Variants in PNPO observed in about 807,000 individuals in gnomAD.
PNPO encodes the protein pyridoxine-5'-phosphate oxidase.
PNPO carries 39 observed loss-of-function variants against 35.0 expected under a neutral mutation model. The observed-to-expected ratio is 1.11, with a 90% CI of 0.86 to 1.45. PNPO has a LOEUF of 1.45. Ranked by LOEUF, PNPO falls within the 40% of genes most tolerant of loss-of-function variation. The pLI is 0.00. For missense variants in PNPO, 288 were observed against 340.0 expected (o/e 0.85, Z 1.20); for synonymous variants, 115 against 119.8 (o/e 0.96, Z 0.26).
chr17:47,941,661 G>A lies in PNPO; in HGVS notation c.-15G>A. On this transcript the variant is annotated 5_prime_UTR_variant, in exon 1 of 7. Coordinates refer to ENST00000642017, the MANE Select transcript of PNPO (RefSeq NM_018129.4). ...GTGCCGGGCCACAGCCGGGTCACGT[G>A]GCCGGCGGCCCCCCATGACGTGCTG... The A allele has an allele frequency of 2.0e-6, 3 of 1,524,034 alleles. No homozygotes were observed. The highest frequency in any genetic ancestry group is 2.7e-6 in the Non-Finnish European group (3 of 1,128,472). 94.4% of individuals were successfully genotyped at this position (1,524,034 alleles called of 1,614,324 possible).
chr17:47,946,466 G>GA (rs1451548294), intron 6 of PNPO, 73 bp downstream of exon 6: 1 of 1,395,808 alleles, frequency 7.2e-7, no homozygotes, highest in Non-Finnish European at 1.0e-6. Flanking sequence ...CCTGCCTGGG[G>GA]AATCACAGAT....
intron 2 of PNPO, 88 bp from the exon 3 acceptor site, chr17:47,944,528 G>C (rs1241183903): frequency 3.0e-6 from 3 of 994,790 alleles, no homozygotes; most frequent in Non-Finnish European, 4.8e-6. Flanking sequence ...GCAGCTGGAG[G>C]GGGTGCTGAG....
rs2035939209 is a variant in PNPO, at chr17:47,941,785, T to C, written c.110T>C (p.Met37Thr). 3 of 1,569,986 alleles carry C rather than the reference T, an allele frequency of 1.9e-6. No homozygotes were observed. The highest frequency in any genetic ancestry group is 2.4e-5 in the East Asian group (1 of 42,510). Residue 37 changes from methionine to threonine, a missense_variant, in exon 1 of 7, where the codon ATG becomes ACG. Coordinates refer to ENST00000642017, the MANE Select transcript of PNPO (RefSeq NM_018129.4). ...AGTGCTGCCATGGACCTGGGACCCA[T>C]GCGCAAGAGTTACCGCGGGGACCGA... is the stretch of plus-strand genomic sequence containing the variant. The part of the protein sequence containing the change: ...GRSAAMDLGP[M>T]RKSYRGDREA...
intron 1 of PNPO, among the ~76,000 whole-genome samples, chr17:47,942,919 C>T (rs1298079275): frequency 6.6e-6 from 1 of 152,132 alleles, no homozygotes; most frequent in Admixed American, 6.6e-5. Flanking sequence ...GAGTGAGACC[C>T]TGTCTAAAAT....
intron 6 of PNPO, 21 bp downstream of exon 6, chr17:47,946,414 C>T (rs769705142): frequency 5.1e-6 from 8 of 1,582,846 alleles, no homozygotes; most frequent in African/African-American, 1.3e-5. Context: ...TCTGGTAGTC[C>T]TCTAGAAAGG....
intron 5 of PNPO, 22 bp downstream of exon 5, chr17:47,946,011 T>C: frequency 6.2e-7 from 1 of 1,613,148 alleles, no homozygotes; most frequent in Non-Finnish European, 8.5e-7. Flanking sequence ...TCCGCTGTAG[T>C]CCTCCAGGTG....
At position 47,945,874 on chromosome 17, in the gene PNPO, G is replaced by C. The variant is rs762554901; in HGVS notation, c.431G>C (p.Gly144Ala). The C allele has an allele frequency of 8.7e-6, 14 of 1,613,638 alleles. No individual in the cohort carries two copies. Among genetic ancestry groups the C allele is most frequent in the Non-Finnish European group, 1.2e-5 (14 of 1,179,996 alleles). ...EPLNRQVRVE[G>A]PVKKLPEEEA... ...ATCCCTGAGCAGGTGCGTGTGGAAG[G>C]CCCTGTGAAGAAACTGCCTGAGGAG... The change falls in exon 5 of 7, where the codon GGC (glycine) becomes GCC (alanine). Residue 144 changes from glycine to alanine, a missense_variant. By Grantham distance (60) the Gly-to-Ala change is moderately conservative. Coordinates refer to ENST00000642017, the MANE Select transcript of PNPO (RefSeq NM_018129.4). This position sits in a 1 kb window ranked among gnomAD's most constrained non-coding sequence, Gnocchi z 4.0.
chr17:47,944,523 T>C, intron 2 of PNPO, 93 bp from the exon 3 acceptor site: 1 of 970,248 alleles, frequency 1.0e-6, no homozygotes, highest in Admixed American at 1.7e-5. Context: ...GGGGTGCAGC[T>C]GGAGGGGGTG....
chr17:47,948,819 C>T lies in PNPO; in HGVS notation c.*2037C>T, dbSNP rs1158405015. 2 of 152,276 alleles carry T rather than the reference C, an allele frequency of 1.3e-5. No homozygotes were observed. Among genetic ancestry groups the T allele is most frequent in the Admixed American group, 1.3e-4 (2 of 15,284 alleles). The allele number at this position is 152,276 out of a possible 1,614,324, so 9.4% of individuals were successfully genotyped here. A position where few individuals can be genotyped will look rare whatever the true frequency, so the allele number is the denominator to read the frequency against. ...AGGGACAGACTGGATGAGCAAGCAA[C>T]CTGCTGGCTATGGAGAAGAGCCAGG... is the stretch of plus-strand genomic sequence containing the variant. On this transcript the variant is annotated 3_prime_UTR_variant, in exon 7 of 7. Transcript: ENST00000642017.
chr17:47,943,258 A>G lies in PNPO; in HGVS notation c.139-48A>G, dbSNP rs374114000. On this transcript the variant is annotated intron_variant, in intron 1 of 6. Coordinates refer to ENST00000642017, the MANE Select transcript of PNPO (RefSeq NM_018129.4). ...GTGACTAGAACAGTGCCAGGTCCAT[A>G]GTAAGCACTATATATGTTTATTAAA... 6 of 1,505,104 alleles carry G rather than the reference A, an allele frequency of 4.0e-6. No individual in the cohort carries two copies. The African/African-American group carries it at 8.2e-5, about 21-fold the overall frequency. The allele number at this position is 1,505,104 out of a possible 1,614,324, so 93.2% of individuals were successfully genotyped here.
rs200428415 is a variant in PNPO, at chr17:47,945,983, T to C, written c.540T>C (p.Asp180=). The C allele has an allele frequency of 3.8e-5, 62 of 1,613,888 alleles. No individual in the cohort carries two copies. The East Asian group carries it at 1.3e-3, about 35-fold the overall frequency. The change falls in exon 5 of 7, where the codon GAT becomes GAC. Residue 180 remains aspartate (D), a synonymous_variant. Transcript: ENST00000642017. This position sits in a 1 kb window ranked among gnomAD's most constrained non-coding sequence, Gnocchi z 4.0. The part of the protein sequence containing the change: ...VVSHQSSVIP[D]REYLRKKNEE... ...GCCACCAGAGTTCTGTGATCCCTGA[T>C]CGGGAGGTGAGTGGAGCTCCGCTGT...
chr17:47,944,362 C>A (rs893852802), intron 2 of PNPO, among the ~76,000 whole-genome samples: 8 of 152,050 alleles, frequency 5.3e-5, no homozygotes, highest in African/African-American at 1.7e-4. Flanking sequence ...TCCCCTTCTC[C>A]AAATACAGTC....
In PNPO at chr17:47,944,805, C is replaced by G. The variant is rs947353382; in HGVS notation, c.363+90C>G. Reference sequence around the variant, plus strand: ...ACCTTCTTATGCCACCCCACCCCCCCAGTCTACTTGCTCTCTGTGTGCAGG... The same window carrying G: ...ACCTTCTTATGCCACCCCACCCCCCGAGTCTACTTGCTCTCTGTGTGCAGG... On this transcript the variant is annotated intron_variant, in intron 3 of 6. Coordinates refer to ENST00000642017, the MANE Select transcript of PNPO (RefSeq NM_018129.4). The G allele has an allele frequency of 2.3e-5, 23 of 995,650 alleles. No homozygotes were observed. In the South Asian group the frequency reaches 2.7e-4, roughly 12 times the overall value. 61.7% of individuals were successfully genotyped at this position (995,650 alleles called of 1,614,324 possible).
At position 47,945,929 on chromosome 17, in the gene PNPO, C is replaced by G. The variant is rs35974730; in HGVS notation, c.486C>G (p.Pro162=). Residue 162 remains proline, a synonymous_variant, in exon 5 of 7, where the codon CCC becomes CCG. Transcript: ENST00000642017. The surrounding 1 kb of genome is among the most constrained non-coding windows in gnomAD (Gnocchi z 4.0). The part of the protein sequence containing the change: ...EEAECYFHSR[P]KSSQIGAVVS... Reference sequence around the variant, plus strand: ...CTGAGTGCTACTTCCACTCCCGCCCCAAGAGCAGCCAGATTGGGGCTGTGG... The same window carrying G: ...CTGAGTGCTACTTCCACTCCCGCCCGAAGAGCAGCCAGATTGGGGCTGTGG... The G allele has an allele frequency of 4.0e-3, 6,420 of 1,614,008 alleles. 186 individuals carry two copies. The African/African-American group carries it at 0.064, about 16-fold the overall frequency.
chr17:47,946,245 G>A (rs1313487430), intron 5 of PNPO, 78 bp from the exon 6 acceptor site: 2 of 1,202,436 alleles, frequency 1.7e-6, no homozygotes, highest in African/African-American at 1.5e-5. Context: ...CATGTCCCCA[G>A]CACATATCCC....
In PNPO at chr17:47,948,546, G is replaced by C. The variant is rs2036037811; in HGVS notation, c.*1764G>C. ...CAAGGTTGAGACCTCCTAGTCTAGA[G>C]CTTTGCTATACACAGGGTGGTCCAC... On this transcript the variant is annotated 3_prime_UTR_variant, in exon 7 of 7. Transcript: ENST00000642017. 6.6e-6 allele frequency: 1 copy of C among 152,192 alleles called. No homozygotes were observed. Among genetic ancestry groups the C allele is most frequent in the Admixed American group, 6.5e-5 (1 of 15,272 alleles). The allele number at this position is 152,192 out of a possible 1,614,324, so 9.4% of individuals were successfully genotyped here. A position where few individuals can be genotyped will look rare whatever the true frequency, so the allele number is the denominator to read the frequency against.
rs2036004168 is a variant in PNPO at position 47,946,038 on chromosome 17, AT to A, written c.546+50del. On this transcript the variant is annotated intron_variant, in intron 5 of 6. Coordinates refer to ENST00000642017, the MANE Select transcript of PNPO (RefSeq NM_018129.4). The stretch of plus-strand genomic sequence containing the variant: ...CTCCAGGTGGTGGAGGCTTTGGCTT[AT>A]CCCCAGAAGCTGTCCCCAGGAGATG... 1.9e-6 allele frequency: 3 copies of A among 1,609,374 alleles called. No individual in the cohort carries two copies. In the Admixed American group the frequency reaches 5.0e-5, roughly 27 times the overall value.
At chr17:47,946,180 C>A in intron 5 of PNPO, 143 bp from the exon 6 acceptor site, 1 of 989,238 alleles carries the variant, frequency 1.0e-6, no homozygotes, top group Non-Finnish European at 1.6e-6. Flanking sequence ...CTCTGTCCAT[C>A]TGGCCATCCT....
chr17:47,941,885 A>C (rs2035941729), intron 1 of PNPO, 72 bp downstream of exon 1: 1 of 1,488,148 alleles, frequency 6.7e-7, no homozygotes. Context: ...TACAGCGGGG[A>C]GGGGAGTAGT....
Sources: gnomAD v4.1 joint callset for allele counts (sites outside exome capture counted in the v4.1 genomes callset) on GRCh38, gnomAD v4.1.1 for gene constraint, Gnocchi (gnomAD v3.1) non-coding constraint, MANE v1.5 for transcripts, NCBI Gene and HGNC (gene_info 2026-07-23, HGNC 2026-07-21) for gene names.